The following CACNA1A variants were observed in gnomAD, a reference collection of about 807,000 sequenced individuals.
CACNA1A encodes the protein calcium voltage-gated channel subunit alpha1 A, also known as voltage-dependent P/Q-type calcium channel subunit alpha-1A.
CACNA1A carries 57 observed loss-of-function variants against 262.4 expected under a neutral mutation model. That is an observed-to-expected ratio of 0.22 (90% CI 0.18 to 0.27). The LOEUF (loss-of-function observed/expected upper bound fraction) is 0.27, where lower values mean the gene tolerates loss of function less well. Among genes scored for constraint, CACNA1A ranks in the 10% least tolerant of loss-of-function variants. The pLI, the probability that CACNA1A is intolerant of heterozygous loss-of-function variation, is 1.00. For missense variants in CACNA1A, 2,526 were observed against 3,562.8 expected (o/e 0.71, Z 7.41); for synonymous variants, 1,431 against 1,419.3 (o/e 1.01, Z -0.18).
At position 13,312,751 on chromosome 19, in the gene CACNA1A, A is replaced by C; in HGVS notation, c.1586T>G (p.Phe529Cys). The C allele has an allele frequency of 6.3e-7, 1 of 1,583,712 alleles. No homozygotes were observed. Among genetic ancestry groups the C allele is most frequent in the Non-Finnish European group, 8.6e-7 (1 of 1,166,318 alleles). The change falls in exon 12 of 47, where the codon TTT becomes TGT. Residue 529 changes from phenylalanine to cysteine, a missense_variant. Around this residue, in one of 17 missense-constraint regions of CACNA1A, gnomAD observed 102 missense variants for 278.9 expected, o/e 0.37. Transcript: ENST00000360228. ...CATTTTTATAAACATTTCGGACATA[A>C]AGAGTCCTAAGAAAATGAATTCTGC... ...YYAEFIFLGL[F>C]MSEMFIKMYG...
At chr19:13,357,665 A>G (rs1377815322) in intron 6 of CACNA1A, among the ~76,000 whole-genome samples, 1 of 152,204 alleles carries the variant, frequency 6.6e-6, no homozygotes, top group Non-Finnish European at 1.5e-5. Context: ...TGGTGAGGAC[A>G]GAGTGGGGTT....
chr19:13,500,597 T>C (rs559164077), intron 1 of CACNA1A, among the ~76,000 whole-genome samples: 7 of 152,306 alleles, frequency 4.6e-5, no homozygotes, highest in African/African-American at 1.7e-4. Flanking sequence ...GAATGTAAAA[T>C]GGTACAACCA....
intron 43 of CACNA1A, chr19:13,211,677 G>A (rs767933646): frequency 8.6e-5 from 18 of 209,188 alleles, no homozygotes; most frequent in Middle Eastern, 1.9e-3. Context: ...CATCTGAGTA[G>A]GCGCACAGCT....
intron 3 of CACNA1A, among the ~76,000 whole-genome samples, chr19:13,381,101 C>A (rs2144606973): frequency 1.3e-5 from 2 of 152,222 alleles, no homozygotes; most frequent in South Asian, 4.1e-4. Flanking sequence ...AGATCGTAGA[C>A]CTGCTGGGCA....
At chr19:13,410,381 C>T (rs1349799252) in intron 3 of CACNA1A, among the ~76,000 whole-genome samples, 1 of 151,900 alleles carries the variant, frequency 6.6e-6, no homozygotes, top group Non-Finnish European at 1.5e-5. Flanking sequence ...CATGCACCAC[C>T]ATGCCCAGCT....
chr19:13,404,299 G>T (rs2059963238), intron 3 of CACNA1A, among the ~76,000 whole-genome samples: 1 of 152,138 alleles, frequency 6.6e-6, no homozygotes, highest in African/African-American at 2.4e-5. Context: ...CGTGGAGCAG[G>T]CCACCTGAGA....
intron 1 of CACNA1A, among the ~76,000 whole-genome samples, chr19:13,481,090 C>T (rs529088389): frequency 1.1e-4 from 16 of 152,212 alleles, no homozygotes; most frequent in African/African-American, 3.6e-4. Flanking sequence ...GTACCCACCC[C>T]TCAGGGCACT....
At chr19:13,272,814 T>C (rs1313652498) in intron 24 of CACNA1A, 2 of 151,944 alleles carry the variant, frequency 1.3e-5, no homozygotes, top group Admixed American at 6.6e-5. Context: ...GTTATTTCCA[T>C]AGGAGAAGGA....
At chr19:13,498,560 G>A (rs904531246) in intron 1 of CACNA1A, among the ~76,000 whole-genome samples, 4 of 152,220 alleles carry the variant, frequency 2.6e-5, no homozygotes, top group Admixed American at 1.3e-4. Context: ...GAAGACTCAC[G>A]GCTGCTCCCA....
At chr19:13,464,158 G>A (rs2061176589) in intron 1 of CACNA1A, among the ~76,000 whole-genome samples, 1 of 152,182 alleles carries the variant, frequency 6.6e-6, no homozygotes, top group East Asian at 1.9e-4. Context: ...GGAGGCCAAG[G>A]CAGAGGATCG....
chr19:13,280,357 AT>A (rs565586521), intron 22 of CACNA1A, among the ~76,000 whole-genome samples: 9,520 of 140,960 alleles, frequency 0.068, 515 homozygotes, highest in East Asian at 0.17. Flanking sequence ...AAAAAAAAAA[AT>A]TTTTTTTTTT....
At chr19:13,325,068 C>T (rs28512257) in intron 10 of CACNA1A, among the ~76,000 whole-genome samples, 1 of 143,668 alleles carries the variant, frequency 7.0e-6, no homozygotes, top group Non-Finnish European at 1.5e-5. Context: ...CCCCTTCCTC[C>T]TCCTCTTCTT....
chr19:13,346,003 C>T (rs1158167538), intron 6 of CACNA1A, among the ~76,000 whole-genome samples: 1 of 148,696 alleles, frequency 6.7e-6, no homozygotes, highest in Admixed American at 6.9e-5. Context: ...TGGGTTCAAG[C>T]GATTCTCGAG....
intron 9 of CACNA1A, among the ~76,000 whole-genome samples, chr19:13,330,538 G>A (rs978082843): frequency 3.3e-5 from 5 of 152,136 alleles, no homozygotes; most frequent in South Asian, 2.1e-4. Context: ...GAATCAAGTC[G>A]GGTTCAGTCC....
rs533297364 is a variant in CACNA1A at position 13,433,460 on chromosome 19, CAAAAA to C, written c.539+19411_539+19415del. 6.4e-3 allele frequency among the ~76,000 whole-genome samples: 490 copies of C among 76,212 alleles called. 11 individuals are homozygous for C. Among genetic ancestry groups the C allele is most frequent in the South Asian group, 0.046 (64 of 1,406 alleles). 50.0% of individuals were successfully genotyped at this position (76,212 alleles called of 152,430 possible). On this transcript the variant is annotated intron_variant, in intron 3 of 46. Coordinates refer to ENST00000360228, the MANE Select transcript of CACNA1A (RefSeq NM_001127222.2). ...TCGGCAACAAAGCAAGACGCTGTCT[CAAAAA>C]AAAAAAAAAAAAAAAAAAGTCAGCT...
At position 13,383,664 on chromosome 19, in the gene CACNA1A, A is replaced by G. The variant is rs1049971234; in HGVS notation, c.540-11885T>C. Among the ~76,000 whole-genome samples the G allele has an allele frequency of 2.0e-5, 3 of 151,966 alleles. No individual in the cohort carries two copies. The South Asian group carries it at 6.2e-4, about 32-fold the overall frequency. On this transcript the variant is annotated intron_variant, in intron 3 of 46. Transcript: ENST00000360228. ...ATTGGCTGTCTCCTCTGCCGTCCCC[A>G]TTCCTTCAACTCTCATCTTTTGCCT...
chr19:13,415,726 C>G (rs1477369608), intron 3 of CACNA1A, among the ~76,000 whole-genome samples: 1 of 87,750 alleles, frequency 1.1e-5, no homozygotes, highest in Non-Finnish European at 2.3e-5. Flanking sequence ...GTCAACAGAG[C>G]GAGACTCTGT....
chr19:13,231,650 C>T, intron 35 of CACNA1A, 60 bp downstream of exon 35: 1 of 1,535,004 alleles, frequency 6.5e-7, no homozygotes, highest in Non-Finnish European at 8.9e-7. Flanking sequence ...AAACCCACTC[C>T]CCTGAAAGGA....
intron 3 of CACNA1A, among the ~76,000 whole-genome samples, chr19:13,401,315 G>C (rs907266937): frequency 3.9e-5 from 6 of 152,218 alleles, no homozygotes; most frequent in African/African-American, 1.4e-4. Context: ...CCTTGGGCAA[G>C]ATATTTAACG....
Sources: allele counts gnomAD v4.1 joint callset (sites outside exome capture counted in the v4.1 genomes callset), GRCh38; gene constraint gnomAD v4.1.1; regional missense constraint gnomAD v4.1.1; transcripts MANE v1.5; gene names NCBI Gene and HGNC (gene_info 2026-07-23, HGNC 2026-07-21).